KLC2: variants seen among roughly 807,000 people sequenced by gnomAD.
KLC2 encodes kinesin light chain 2, also known as KLC 2.
KLC2 carries 35 observed loss-of-function variants against 75.1 expected under a neutral mutation model. The ratio of observed to expected loss-of-function variants is 0.47; its 90% confidence interval spans 0.36 to 0.62. The LOEUF (loss-of-function observed/expected upper bound fraction) is 0.62. Ranked by LOEUF, KLC2 falls within the 20% of genes least tolerant of loss-of-function variation. KLC2 has a pLI of 0.00. For synonymous variants in KLC2, 314 were observed against 336.7 expected (o/e 0.93, Z 0.74); for missense variants, 611 against 833.2 (o/e 0.73, Z 3.28).
chr11:66,263,173 A>C, intron 5 of KLC2, 137 bp downstream of exon 5: 1 of 643,270 alleles, frequency 1.6e-6, no homozygotes, highest in Non-Finnish European at 2.7e-6. Context: ...AAAACTGTCT[A>C]GTGTAAGAGA....
chr11:66,253,576 T>C (rs964032667), upstream of KLC2, among the ~76,000 whole-genome samples: 1 of 152,180 alleles, frequency 6.6e-6, no homozygotes, highest in African/African-American at 2.4e-5. Flanking sequence ...TCCTTTATTC[T>C]CCATTTACTG....
chr11:66,261,498 T>G, intron 2 of KLC2: 1 of 479,894 alleles, frequency 2.1e-6, no homozygotes, highest in Non-Finnish European at 3.7e-6. Context: ...CCTTTTGGGG[T>G]TCTCCTGATC....
upstream of KLC2, chr11:66,257,561 C>T (rs939979528): frequency 6.6e-6 from 1 of 152,190 alleles, no homozygotes; most frequent in Non-Finnish European, 1.5e-5. Flanking sequence ...CGAGGGCACC[C>T]CTCGGGGCTG....
chr11:66,245,893 G>A, the KLC2 span, among the ~76,000 whole-genome samples: 1 of 152,196 alleles, frequency 6.6e-6, no homozygotes, highest in Admixed American at 6.5e-5. Flanking sequence ...AAAAAGAGAA[G>A]TGTCCAGAGG....
In KLC2 at chr11:66,261,880, A is replaced by G. The variant is rs368709295; in HGVS notation, c.367A>G (p.Ser123Gly). 11 of 1,614,046 alleles carry G rather than the reference A, an allele frequency of 6.8e-6. No homozygotes were observed. The highest frequency in any genetic ancestry group is 2.2e-5 in the East Asian group (1 of 44,900). Residue 123 changes from serine to glycine, a missense_variant, in exon 3 of 16, where the codon AGT (serine) becomes GGT (glycine). Ser to Gly is a moderately conservative substitution (Grantham distance 56). Coordinates refer to ENST00000394067, the MANE Select transcript of KLC2 (RefSeq NM_001318734.2). ...GGGGACACAGCAGAAGCTGCAGCGCAGTGAGCAGGCCGTGGCCCAGCTCGA... is the reference window on the plus strand; with the variant it reads ...GGGGACACAGCAGAAGCTGCAGCGCGGTGAGCAGGCCGTGGCCCAGCTCGA... Reference protein sequence around the residue: ...LAGTQQKLQRSEQAVAQLEEE... With the variant: ...LAGTQQKLQRGEQAVAQLEEE...
intron 6 of KLC2, 28 bp downstream of exon 6, chr11:66,263,775 G>A (rs759549261): frequency 1.1e-5 from 17 of 1,608,008 alleles, no homozygotes; most frequent in Non-Finnish European, 1.4e-5. Flanking sequence ...GGGAGGTGGG[G>A]GCTGTGCCCC....
chr11:66,262,904 A>G lies in KLC2; in HGVS notation c.620A>G (p.Gln207Arg), dbSNP rs764175725. Residue 207 changes from glutamine (Q) to arginine (R), a missense_variant, in exon 5 of 16, where the codon CAA becomes CGA. By Grantham distance (43) the Gln-to-Arg change is conservative. Transcript: ENST00000394067. ...CGCACCCTGCACAACCTGGTGATCC[A>G]ATACGCCTCACAGGGCCGCTACGAG... Reference protein sequence around the residue: ...RLRTLHNLVIQYASQGRYEVA... With the variant: ...RLRTLHNLVIRYASQGRYEVA... The G allele has an allele frequency of 2.5e-6, 4 of 1,613,740 alleles. No homozygotes were observed. The Admixed American group carries it at 5.0e-5, about 20-fold the overall frequency.
At position 66,261,766 on chromosome 11, in the gene KLC2, C is replaced by G. The variant is rs1335612173; in HGVS notation, c.253C>G (p.Leu85Val). The G allele has an allele frequency of 6.2e-7, 1 of 1,612,172 alleles. No individual in the cohort carries two copies. The highest frequency in any genetic ancestry group is 1.1e-5 in the South Asian group (1 of 90,982). The change falls in exon 3 of 16, where the codon CTG (leucine) becomes GTG (valine). Residue 85 changes from leucine to valine, a missense_variant. Physicochemically the swap from Leu to Val is conservative, Grantham distance 32. Coordinates refer to ENST00000394067, the MANE Select transcript of KLC2 (RefSeq NM_001318734.2). Reference protein sequence around the residue: ...AQVILALSSHLGAVESEKQKL... With the variant: ...AQVILALSSHVGAVESEKQKL... The stretch of plus-strand genomic sequence containing the variant: ...GGTGATCTTGGCATTGTCGAGCCAC[C>G]TGGGGGCTGTAGAATCAGAGAAGCA...
At chr11:66,264,907 C>A in intron 9 of KLC2, 116 bp from the exon 10 acceptor site, 1 of 879,364 alleles carries the variant, frequency 1.1e-6, no homozygotes, top group Non-Finnish European at 1.8e-6. Flanking sequence ...TACTCTTGTT[C>A]ATGCATTCAA....
chr11:66,246,865 G>A, the KLC2 span, among the ~76,000 whole-genome samples: 3 of 152,084 alleles, frequency 2.0e-5, no homozygotes, highest in African/African-American at 7.3e-5. Flanking sequence ...GGACAGCTCT[G>A]TGCTCTCCTC....
chr11:66,258,193 G>C (rs1057439766), intron 1 of KLC2: 2 of 187,946 alleles, frequency 1.1e-5, no homozygotes, highest in African/African-American at 4.8e-5. Context: ...GGCTTGGCCT[G>C]CCTTTTGGGG....
At chr11:66,264,535 C>T (rs1307174488) in intron 9 of KLC2, 91 bp downstream of exon 9, 2 of 977,010 alleles carry the variant, frequency 2.0e-6, no homozygotes, top group Non-Finnish European at 3.2e-6. Context: ...GCAGGGCAGG[C>T]CCTCAGGCTT....
intron 2 of KLC2, 72 bp downstream of exon 2, chr11:66,258,894 T>C (rs1856197059): frequency 3.8e-6 from 4 of 1,040,274 alleles, no homozygotes; most frequent in African/African-American, 3.2e-5. Flanking sequence ...TCCGGTAATG[T>C]AGGAGAAGAA....
chr11:66,258,369 C>T, intron 1 of KLC2: 1 of 566,872 alleles, frequency 1.8e-6, no homozygotes, highest in Non-Finnish European at 3.2e-6. Flanking sequence ...GGGGCCGAAG[C>T]AGGATCCGGC....
chr11:66,250,760 A>G, the KLC2 span, among the ~76,000 whole-genome samples: 1 of 151,296 alleles, frequency 6.6e-6, no homozygotes, highest in African/African-American at 2.5e-5. Flanking sequence ...AGCATGAGAT[A>G]AGGGAGATAA....
rs776408937 is a variant in KLC2 at position 66,267,126 on chromosome 11, C to A, written c.*170C>A. On this transcript the variant is annotated 3_prime_UTR_variant, in exon 16 of 16. Coordinates refer to ENST00000394067, the MANE Select transcript of KLC2 (RefSeq NM_001318734.2). Reference sequence around the variant, plus strand: ...GTCATCTCAGCCTGAGCCCTGGAGGCTGGGCCTGCCCACTCCAGCTCCATC... The same window carrying A: ...GTCATCTCAGCCTGAGCCCTGGAGGATGGGCCTGCCCACTCCAGCTCCATC... 3.2e-5 allele frequency: 49 copies of A among 1,530,940 alleles called. No individual in the cohort carries two copies. Among genetic ancestry groups the A allele is most frequent in the African/African-American group, 4.1e-5 (3 of 72,724 alleles). 94.8% of individuals were successfully genotyped at this position (1,530,940 alleles called of 1,614,324 possible).
Position 66,263,657 on chromosome 11 carries a change from C to G in KLC2, c.753-3C>G. 6.2e-7 allele frequency: 1 copy of G among 1,611,616 alleles called. No individual in the cohort carries two copies. Among genetic ancestry groups the G allele is most frequent in the Non-Finnish European group, 8.5e-7 (1 of 1,177,844 alleles). On this transcript the variant is annotated splice_polypyrimidine_tract_variant and splice_region_variant and intron_variant, in intron 5 of 15. Transcript: ENST00000394067. ...CCCTGACCATGCTCCTACCTGCTCC[C>G]AGGGATCAGAACAAGTACAAGGAGG...
upstream of KLC2, among the ~76,000 whole-genome samples, chr11:66,253,249 G>T (rs960003166): frequency 6.6e-6 from 1 of 152,118 alleles, no homozygotes; most frequent in African/African-American, 2.4e-5. Flanking sequence ...GATTACAGAC[G>T]TGGGCCACTG....
chr11:66,260,033 T>C (rs1856281327), intron 2 of KLC2, among the ~76,000 whole-genome samples: 1 of 152,170 alleles, frequency 6.6e-6, no homozygotes, highest in African/African-American at 2.4e-5. Context: ...GTTAGACTTG[T>C]TTTATTCCCC....
Sources: allele counts gnomAD v4.1 joint callset (sites outside exome capture counted in the v4.1 genomes callset), GRCh38; gene constraint gnomAD v4.1.1; transcripts MANE v1.5; gene names NCBI Gene and HGNC (gene_info 2026-07-23, HGNC 2026-07-21).